The following IRAK1BP1 variants were observed in gnomAD, a reference collection of about 807,000 sequenced individuals.
IRAK1BP1 encodes the protein interleukin 1 receptor associated kinase 1 binding protein 1, also known as interleukin-1 receptor-associated kinase 1-binding protein 1.
In IRAK1BP1, 24 loss-of-function variants were observed where a neutral mutation model predicts 28.0. The observed-to-expected ratio is 0.86, with a 90% CI of 0.62 to 1.20. The LOEUF (loss-of-function observed/expected upper bound fraction) is 1.20, where lower values mean the gene tolerates loss of function less well. IRAK1BP1 is among the 50% of genes most tolerant of loss of function. The pLI is 0.00. For missense variants in IRAK1BP1, 336 were observed against 316.7 expected (o/e 1.06, Z -0.46); for synonymous variants, 131 against 116.3 (o/e 1.13, Z -0.81).
At chr6:78,971,841 C>A in the IRAK1BP1 span, among the ~76,000 whole-genome samples, 1 of 152,172 alleles carries the variant, frequency 6.6e-6, no homozygotes, top group Non-Finnish European at 1.5e-5. Context: ...AACGGCGCAC[C>A]ACGAAATTAT....
chr6:78,880,667 T>C (rs1771195430), intron 1 of IRAK1BP1, among the ~76,000 whole-genome samples: 1 of 152,130 alleles, frequency 6.6e-6, no homozygotes, highest in Admixed American at 6.5e-5. Flanking sequence ...CAAGAACATA[T>C]ATAGACCTCA....
In IRAK1BP1 at chr6:78,875,181, A is replaced by G. The variant is rs1000420489; in HGVS notation, c.315+7290A>G. Reference sequence around the variant, plus strand: ...AAGATGCAAATCAAAACCACAGTGAAATACCGTCTCACACTAGTAAGAATG... The same window carrying G: ...AAGATGCAAATCAAAACCACAGTGAGATACCGTCTCACACTAGTAAGAATG... On this transcript the variant is annotated intron_variant, in intron 1 of 3. Coordinates refer to ENST00000369940, the MANE Select transcript of IRAK1BP1 (RefSeq NM_001010844.4). 4.6e-5 allele frequency among the ~76,000 whole-genome samples: 7 copies of G among 152,288 alleles called. No individual in the cohort carries two copies. The South Asian group carries it at 8.3e-4, about 18-fold the overall frequency.
downstream of IRAK1BP1, among the ~76,000 whole-genome samples, chr6:78,904,086 A>C (rs1306074979): frequency 6.6e-6 from 1 of 152,204 alleles, no homozygotes; most frequent in Non-Finnish European, 1.5e-5. Flanking sequence ...GTTTATGGCA[A>C]AGTTACCTGA....
chr6:78,950,438 G>A (rs996078224), downstream of IRAK1BP1, among the ~76,000 whole-genome samples: 2 of 152,128 alleles, frequency 1.3e-5, no homozygotes, highest in African/African-American at 2.4e-5. Context: ...TTCTTTAAAT[G>A]TTTGGTTGAA....
At chr6:78,940,311 AT>A (rs1157589708) in intron 4 of IRAK1BP1, 1 of 151,904 alleles carries the variant, frequency 6.6e-6, no homozygotes, top group Non-Finnish European at 1.5e-5. Context: ...TTAACATGAA[AT>A]GCTCTATCAC....
chr6:78,945,964 T>C (rs1582081598), exon 5 of IRAK1BP1: 2 of 1,467,618 alleles, frequency 1.4e-6, no homozygotes, highest in Non-Finnish European at 9.4e-7. Context: ...ATTAAGAAAA[T>C]CATCATATAC....
At chr6:78,891,407 A>G (rs779242593) in intron 2 of IRAK1BP1, among the ~76,000 whole-genome samples, 1 of 152,154 alleles carries the variant, frequency 6.6e-6, no homozygotes, top group South Asian at 2.1e-4. Context: ...TTCCTATACC[A>G]GTACTCTTTC....
At chr6:78,974,624 G>A in the IRAK1BP1 span, among the ~76,000 whole-genome samples, 21 of 152,116 alleles carry the variant, frequency 1.4e-4, no homozygotes, top group East Asian at 5.8e-4. Flanking sequence ...TCGATAGACC[G>A]CCAGCAAGAC....
chr6:78,947,171 C>A (rs1429246840), downstream of IRAK1BP1, among the ~76,000 whole-genome samples: 1 of 152,172 alleles, frequency 6.6e-6, no homozygotes, highest in African/African-American at 2.4e-5. Context: ...TACACTGAAA[C>A]TATCCCAAAT....
chr6:78,955,507 T>G, the IRAK1BP1 span: 1 of 562,150 alleles, frequency 1.8e-6, no homozygotes, highest in Non-Finnish European at 3.2e-6. Context: ...TTAACTACAC[T>G]AGACAAAAAA....
the IRAK1BP1 span, among the ~76,000 whole-genome samples, chr6:78,953,896 A>G: frequency 5.9e-5 from 9 of 152,048 alleles, no homozygotes; most frequent in African/African-American, 1.4e-4. Context: ...CCTGAACTAT[A>G]TAACATTTAA....
At chr6:78,889,749 T>A (rs1218654548) in intron 2 of IRAK1BP1, among the ~76,000 whole-genome samples, 1 of 152,094 alleles carries the variant, frequency 6.6e-6, no homozygotes, top group Admixed American at 6.6e-5. Context: ...AGAATGGCAA[T>A]CTTTAAAAAG....
the IRAK1BP1 span, among the ~76,000 whole-genome samples, chr6:78,978,936 CA>C: frequency 1.3e-5 from 2 of 152,008 alleles, no homozygotes; most frequent in Non-Finnish European, 2.9e-5. Flanking sequence ...TTCCAACAGG[CA>C]AAACTTGAAT....
At chr6:78,969,072 C>G in the IRAK1BP1 span, among the ~76,000 whole-genome samples, 23 of 152,152 alleles carry the variant, frequency 1.5e-4, no homozygotes, top group African/African-American at 5.6e-4. Context: ...ACACATCTTT[C>G]AAAACTTCTA....
chr6:78,893,314 G>GTGTA (rs1273555034), intron 2 of IRAK1BP1, among the ~76,000 whole-genome samples: 30 of 103,428 alleles, frequency 2.9e-4, no homozygotes, highest in African/African-American at 7.8e-4. Flanking sequence ...GTGTGTGTGT[G>GTGTA]TATATATATA....
Position 78,897,875 on chromosome 6 carries a change from ACTTT to A in IRAK1BP1, c.432_435del (p.Phe144LeufsTer5), listed in dbSNP as rs780407139. 1 of 1,613,574 alleles carries A rather than the reference ACTTT, an allele frequency of 6.2e-7. No homozygotes were observed. The highest frequency in any genetic ancestry group is 8.5e-7 in the Non-Finnish European group (1 of 1,179,562). Reference sequence around the variant, plus strand: ...TTTGGAAAAATGCAAAATATTTGTAACTTTCTTGTTGAAAAGCTAGATAGCTCTG... The same window carrying A: ...TTTGGAAAAATGCAAAATATTTGTAACTTGTTGAAAAGCTAGATAGCTCTG... On this transcript the variant is annotated frameshift_variant, in exon 3 of 4. Coordinates refer to ENST00000369940, the MANE Select transcript of IRAK1BP1 (RefSeq NM_001010844.4). LOFTEE classifies it high-confidence loss of function.
intron 1 of IRAK1BP1, among the ~76,000 whole-genome samples, chr6:78,878,947 A>G (rs1042799573): frequency 6.6e-6 from 1 of 152,202 alleles, no homozygotes; most frequent in Admixed American, 6.5e-5. Flanking sequence ...GTTTACAGAA[A>G]AAAGAGTAAA....
chr6:78,965,861 A>G, the IRAK1BP1 span: 1 of 1,197,694 alleles, frequency 8.3e-7, no homozygotes, highest in Non-Finnish European at 1.2e-6. Flanking sequence ...TGTGTTTAAA[A>G]GAAGTCTCTT....
At chr6:78,893,346 AT>A (rs1327859977) in intron 2 of IRAK1BP1, among the ~76,000 whole-genome samples, 1 of 132,934 alleles carries the variant, frequency 7.5e-6, no homozygotes, top group Non-Finnish European at 1.6e-5. Context: ...ATATATATAT[AT>A]ATCAACGAAG....
Sources: gnomAD v4.1 joint callset for allele counts (sites outside exome capture counted in the v4.1 genomes callset) on GRCh38, gnomAD v4.1.1 for gene constraint, MANE v1.5 for transcripts, NCBI Gene and HGNC (gene_info 2026-07-23, HGNC 2026-07-21) for gene names.